The following CPED1 variants were observed in gnomAD, a reference collection of about 807,000 sequenced individuals.
The protein encoded by CPED1 is cadherin like and PC-esterase domain containing 1, also known as cadherin-like and PC-esterase domain-containing protein 1.
In CPED1, 114 loss-of-function variants were observed where a neutral mutation model predicts 128.2. The observed-to-expected ratio is 0.89, with a 90% CI of 0.76 to 1.04. CPED1 has a LOEUF of 1.04. Among genes scored for constraint, CPED1 ranks in the 50% least tolerant of loss-of-function variants. The probability of loss-of-function intolerance (pLI) is 0.00; values close to 1 mark genes in which losing one functional copy is unlikely to be tolerated. For missense variants in CPED1, 1,211 were observed against 1,207.1 expected, an observed-to-expected ratio of 1.00 and a Z score of -0.05; for synonymous variants, 462 against 426.7, an observed-to-expected ratio of 1.08 and a Z score of -1.02.
chr7:121,122,892 C>T (rs1183013837), intron 7 of CPED1, among the ~76,000 whole-genome samples: 1 of 152,142 alleles, frequency 6.6e-6, no homozygotes, highest in East Asian at 1.9e-4. Flanking sequence ...TCATATGCTA[C>T]ATAGACATTT....
chr7:121,178,521 T>C (rs756675338), intron 16 of CPED1, among the ~76,000 whole-genome samples: 179 of 152,068 alleles, frequency 1.2e-3, no homozygotes, highest in Non-Finnish European at 2.4e-3. Context: ...ATGAATCATA[T>C]GAATCTTAAA....
At chr7:121,152,716 G>T (rs1477531466) in intron 16 of CPED1, among the ~76,000 whole-genome samples, 2 of 152,118 alleles carry the variant, frequency 1.3e-5, no homozygotes, top group Non-Finnish European at 2.9e-5. Context: ...TAAGAGGAAA[G>T]TTTAAAACAT....
chr7:121,001,986 G>GAC (rs148835438), intron 2 of CPED1, among the ~76,000 whole-genome samples: 34,883 of 151,612 alleles, frequency 0.23, 4,280 homozygotes, highest in African/African-American at 0.29. Context: ...GGGAAAAGAA[G>GAC]ACACACACAC....
chr7:121,177,877 A>G (rs1218335915), intron 16 of CPED1, among the ~76,000 whole-genome samples: 2 of 152,104 alleles, frequency 1.3e-5, no homozygotes, highest in Admixed American at 6.6e-5. Flanking sequence ...CATGAATGCA[A>G]GTAAGAAAAT....
intron 5 of CPED1, among the ~76,000 whole-genome samples, chr7:121,088,032 T>G (rs538290055): frequency 1.3e-5 from 2 of 152,176 alleles, no homozygotes; most frequent in Non-Finnish European, 2.9e-5. Flanking sequence ...CATTGAGTGC[T>G]ACAAAATTAT....
At chr7:121,084,076 G>C (rs150535040) in intron 5 of CPED1, among the ~76,000 whole-genome samples, 12 of 152,228 alleles carry the variant, frequency 7.9e-5, no homozygotes, top group African/African-American at 2.4e-4. Context: ...ATAGAACTTG[G>C]ATTCTAAAAT....
chr7:121,099,910 T>C lies in CPED1; in HGVS notation c.750-16T>C. ...CTACATTATGGAGCGCTAACTATGT[T>C]TTTTTTTTTTTTTAGGAATGAAACG... On this transcript the variant is annotated splice_polypyrimidine_tract_variant and intron_variant, in intron 6 of 22. Coordinates refer to ENST00000310396, the MANE Select transcript of CPED1 (RefSeq NM_024913.5). 1 of 63,962 alleles carries C rather than the reference T, an allele frequency of 1.6e-5. No individual in the cohort carries two copies. The highest frequency in any genetic ancestry group is 2.0e-5 in the Non-Finnish European group (1 of 49,226). The allele number at this position is 63,962 out of a possible 1,614,324, so 4.0% of individuals were successfully genotyped here.
At position 121,015,799 on chromosome 7, in the gene CPED1, C is replaced by A; in HGVS notation, c.384C>A (p.Ile128=). Residue 128 remains isoleucine, a synonymous_variant, in exon 3 of 23, where the codon ATC becomes ATA. Transcript: ENST00000310396. ...ILTQHGYTVV[I]AEERLNAGLG... ...CTCAACATGGCTATACGGTTGTCATCGCTGAAGAAAGGCTCAATGCTGGCC... is the reference window on the plus strand; with the variant it reads ...CTCAACATGGCTATACGGTTGTCATAGCTGAAGAAAGGCTCAATGCTGGCC... 1 of 1,597,512 alleles carries A rather than the reference C, an allele frequency of 6.3e-7. No individual in the cohort carries two copies. The highest frequency in any genetic ancestry group is 8.5e-7 in the Non-Finnish European group (1 of 1,174,850).
chr7:121,102,311 A>G (rs1315495459), intron 7 of CPED1, among the ~76,000 whole-genome samples: 5 of 151,860 alleles, frequency 3.3e-5, no homozygotes, highest in East Asian at 3.9e-4. Flanking sequence ...TGCATTCTCT[A>G]TTTTGTCCTT....
intron 2 of CPED1, among the ~76,000 whole-genome samples, chr7:121,005,626 T>A (rs1791992441): frequency 6.6e-6 from 1 of 152,118 alleles, no homozygotes; most frequent in Non-Finnish European, 1.5e-5. Context: ...TCTGCACATG[T>A]ATCCCAGAAC....
At chr7:121,051,004 G>A (rs142375801) in intron 4 of CPED1, 345 of 534,660 alleles carry the variant, frequency 6.5e-4, no homozygotes, top group African/African-American at 5.6e-3. Flanking sequence ...AAAAGTGGAA[G>A]CGAAGCTGAA....
intron 3 of CPED1, among the ~76,000 whole-genome samples, chr7:121,044,909 C>T (rs1486398023): frequency 1.3e-5 from 2 of 152,022 alleles, no homozygotes; most frequent in Non-Finnish European, 2.9e-5. Context: ...GATTTGAAAT[C>T]CCTCTGTGCA....
chr7:121,113,667 A>G (rs1795166690), intron 7 of CPED1, among the ~76,000 whole-genome samples: 1 of 152,116 alleles, frequency 6.6e-6, no homozygotes, highest in Non-Finnish European at 1.5e-5. Context: ...GAAGGAAGGA[A>G]GGAAGAGAAA....
chr7:121,253,180 G>A (rs528178722), intron 18 of CPED1, among the ~76,000 whole-genome samples: 4 of 151,958 alleles, frequency 2.6e-5, no homozygotes, highest in Middle Eastern at 6.8e-3. Context: ...GATGAAGCTG[G>A]AAACCATCAT....
intron 16 of CPED1, among the ~76,000 whole-genome samples, chr7:121,153,614 G>A (rs1240403611): frequency 6.6e-6 from 1 of 152,144 alleles, no homozygotes; most frequent in Admixed American, 6.5e-5. Flanking sequence ...AACTTGCCAA[G>A]GTCACATAGC....
intron 16 of CPED1, among the ~76,000 whole-genome samples, chr7:121,195,728 T>C (rs933046626): frequency 6.6e-6 from 1 of 152,182 alleles, no homozygotes; most frequent in African/African-American, 2.4e-5. Flanking sequence ...GAAGAAAACA[T>C]TTATCTTCAG....
At chr7:120,992,520 A>G (rs955805894) in intron 2 of CPED1, among the ~76,000 whole-genome samples, 2 of 152,194 alleles carry the variant, frequency 1.3e-5, no homozygotes, top group African/African-American at 4.8e-5. Flanking sequence ...GAACCACTAC[A>G]AATGCTTAAC....
intron 3 of CPED1, among the ~76,000 whole-genome samples, chr7:121,027,957 C>T (rs1226111258): frequency 2.6e-5 from 4 of 151,890 alleles, no homozygotes; most frequent in Admixed American, 6.6e-5. Flanking sequence ...AGAGCAGAGG[C>T]GACTCTCGGG....
intron 18 of CPED1, among the ~76,000 whole-genome samples, chr7:121,258,787 T>C (rs924703317): frequency 2.0e-5 from 3 of 152,098 alleles, no homozygotes; most frequent in Non-Finnish European, 4.4e-5. Context: ...CTGAAGACTT[T>C]CAATTAATAT....
Sources: allele counts gnomAD v4.1 joint callset (sites outside exome capture counted in the v4.1 genomes callset), GRCh38; gene constraint gnomAD v4.1.1; transcripts MANE v1.5; gene names NCBI Gene and HGNC (gene_info 2026-07-23, HGNC 2026-07-21).